Variants in ZNF865 observed in about 807,000 individuals in gnomAD.
The protein encoded by ZNF865 is zinc finger protein 865.
For synonymous variants in ZNF865, 763 were observed against 750.8 expected, an observed-to-expected ratio of 1.02 and a Z score of -0.27; for missense variants, 1,311 against 1,593.4, an observed-to-expected ratio of 0.82 and a Z score of 3.02.
chr19:55,614,998 G>A lies in ZNF865; in HGVS notation c.1380G>A (p.Lys460=). Residue 460 remains lysine, a synonymous_variant, in exon 2 of 2, where the codon AAG becomes AAA. Coordinates refer to ENST00000568956, the MANE Select transcript of ZNF865 (RefSeq NM_001195605.2). This position sits in a 1 kb window ranked among gnomAD's most constrained non-coding sequence, Gnocchi z 8.0. The stretch of plus-strand genomic sequence containing the variant: ...CTCCGCAGAGCCTGCTCCGCCACAA[G>A]GCCGCCCACGCCCCGCCCGCTGCCG... The part of the protein sequence containing the change: ...YSAPQSLLRH[K]AAHAPPAAAA... 1 of 1,404,184 alleles carries A rather than the reference G, an allele frequency of 7.1e-7. No individual in the cohort carries two copies. Among genetic ancestry groups the A allele is most frequent in the Non-Finnish European group, 9.2e-7 (1 of 1,086,020 alleles). 87.0% of individuals were successfully genotyped at this position (1,404,184 alleles called of 1,614,324 possible). A position where few individuals can be genotyped will look rare whatever the true frequency, so the allele number is the denominator to read the frequency against.
intron 1 of ZNF865, among the ~76,000 whole-genome samples, chr19:55,608,774 G>A (rs1981031943): frequency 1.3e-5 from 2 of 152,184 alleles, no homozygotes; most frequent in Admixed American, 1.3e-4. Context: ...TAAGTACAAT[G>A]CTTGTTAGAG....
Position 55,613,909 on chromosome 19 carries a change from C to G in ZNF865, c.291C>G (p.Ser97=), listed in dbSNP as rs1478374782. ...CGGAGGTGCCCTCCTCGTCCTCGTC[C>G]TCGTCCTCCTCCTCCTCCTCTTCGT... ...PKAEVPSSSS[S]SSSSSSSSSS... is the part of the protein sequence containing the mutation. Residue 97 remains serine, a synonymous_variant, in exon 2 of 2, where the codon TCC becomes TCG. Coordinates refer to ENST00000568956, the MANE Select transcript of ZNF865 (RefSeq NM_001195605.2). 6.6e-7 allele frequency: 1 copy of G among 1,523,142 alleles called. No homozygotes were observed. The allele number at this position is 1,523,142 out of a possible 1,614,324, so 94.4% of individuals were successfully genotyped here. A position where few individuals can be genotyped will look rare whatever the true frequency, so the allele number is the denominator to read the frequency against.
chr19:55,615,671 A>G lies in ZNF865; in HGVS notation c.2053A>G (p.Met685Val). 1 of 1,534,662 alleles carries G rather than the reference A, an allele frequency of 6.5e-7. No homozygotes were observed. The highest frequency in any genetic ancestry group is 8.7e-7 in the Non-Finnish European group (1 of 1,146,286). The change falls in exon 2 of 2, where the codon ATG becomes GTG. Residue 685 changes from methionine to valine, a missense_variant. Physicochemically the swap from Met to Val is conservative, Grantham distance 21. Coordinates refer to ENST00000568956, the MANE Select transcript of ZNF865 (RefSeq NM_001195605.2). ...GEHFPDLFHV[M>V]SHKEVHMAEK... ...GCACTTCCCGGATCTCTTTCACGTC[A>G]TGAGTCACAAGGAGGTCCACATGGC...
In ZNF865 at chr19:55,611,486, A is replaced by T. The variant is rs310466; in HGVS notation, c.-26-2107A>T. Among the ~76,000 whole-genome samples, 89,895 of 152,124 alleles carry T rather than the reference A, an allele frequency of 0.59. 28,619 individuals are homozygous for T. Among genetic ancestry groups the T allele is most frequent in the East Asian group, 0.91 (4,705 of 5,166 alleles). On this transcript the variant is annotated intron_variant, in intron 1 of 1. Coordinates refer to ENST00000568956, the MANE Select transcript of ZNF865 (RefSeq NM_001195605.2). This position sits in a 1 kb window ranked among gnomAD's most constrained non-coding sequence, Gnocchi z 4.5. Reference sequence around the variant, plus strand: ...AGCCTTCCAATTACCACCCCAGCCAAGCCTGTCCTCTTTCCGGAGATCAGA... The same window carrying T: ...AGCCTTCCAATTACCACCCCAGCCATGCCTGTCCTCTTTCCGGAGATCAGA...
At position 55,616,804 on chromosome 19, in the gene ZNF865, G is replaced by A; in HGVS notation, c.*6G>A. On this transcript the variant is annotated 3_prime_UTR_variant, in exon 2 of 2. Transcript: ENST00000568956. ...TGGCCGGGAAGGATGCCTGACCGAG[G>A]GGTTCCCATCCCACTCCCATCAAAA... 1 of 1,440,370 alleles carries A rather than the reference G, an allele frequency of 6.9e-7. No individual in the cohort carries two copies. The allele number at this position is 1,440,370 out of a possible 1,614,324, so 89.2% of individuals were successfully genotyped here.
intron 1 of ZNF865, among the ~76,000 whole-genome samples, chr19:55,613,359 T>A (rs947878894): frequency 6.6e-6 from 1 of 151,426 alleles, no homozygotes; most frequent in African/African-American, 2.4e-5. Context: ...GGGGAGTGGG[T>A]GGGAGTTGAG....
chr19:55,606,495 C>T (rs950558885), intron 1 of ZNF865, among the ~76,000 whole-genome samples: 3 of 152,196 alleles, frequency 2.0e-5, no homozygotes, highest in African/African-American at 7.2e-5. Context: ...CCACCCTCAT[C>T]GCGGTCAGCC....
chr19:55,616,867 A>C lies in ZNF865; in HGVS notation c.*69A>C. On this transcript the variant is annotated 3_prime_UTR_variant, in exon 2 of 2. Transcript: ENST00000568956. The stretch of plus-strand genomic sequence containing the variant: ...ACTCCCACCTCCCAGGACTGATCAG[A>C]CTCTTCCCCCCTCCTCGCTGTTGCC... The C allele has an allele frequency of 6.6e-6, 9 of 1,365,760 alleles. No homozygotes were observed. Among genetic ancestry groups the C allele is most frequent in the South Asian group, 1.7e-5 (1 of 60,124 alleles). 84.6% of individuals were successfully genotyped at this position (1,365,760 alleles called of 1,614,324 possible).
intron 1 of ZNF865, among the ~76,000 whole-genome samples, chr19:55,606,413 C>T (rs961360945): frequency 1.3e-5 from 2 of 152,226 alleles, no homozygotes; most frequent in African/African-American, 2.4e-5. Context: ...CACATCCTCT[C>T]CCGCCTCAGG....
rs1240073530 is a variant in ZNF865, at chr19:55,615,972, C to T, written c.2354C>T (p.Ala785Val). 2.7e-6 allele frequency: 4 copies of T among 1,509,062 alleles called. No individual in the cohort carries two copies. The highest frequency in any genetic ancestry group is 2.6e-6 in the Non-Finnish European group (3 of 1,134,532). The allele number at this position is 1,509,062 out of a possible 1,614,324, so 93.5% of individuals were successfully genotyped here. ...GCGGTGGCAGGTGCTGGCGGGGGTG[C>T]CAGTTCCGGCCCCGAGCGCTTCAGC... ...GAAVAGAGGG[A>V]SSGPERFSCA... The change falls in exon 2 of 2, where the codon GCC (alanine) becomes GTC (valine). Residue 785 changes from alanine (A) to valine (V), a missense_variant. Physicochemically the swap from Ala to Val is moderately conservative, Grantham distance 64 (BLOSUM62 0). Coordinates refer to ENST00000568956, the MANE Select transcript of ZNF865 (RefSeq NM_001195605.2).
rs973469311 is a variant in ZNF865, at chr19:55,616,322, C to A, written c.2704C>A (p.Arg902=). Reference sequence around the variant, plus strand: ...GCACCGCGTGGTGCACACTGGCGAGCGGGCCTTCAAGTGCGGCGTGTGCGC... The same window carrying A: ...GCACCGCGTGGTGCACACTGGCGAGAGGGCCTTCAAGTGCGGCGTGTGCGC... ...RQHRVVHTGE[R]AFKCGVCAKR... is the part of the protein sequence containing the mutation. Residue 902 remains arginine, a synonymous_variant, in exon 2 of 2, where the codon CGG becomes AGG. Coordinates refer to ENST00000568956, the MANE Select transcript of ZNF865 (RefSeq NM_001195605.2). 2 of 1,521,834 alleles carry A rather than the reference C, an allele frequency of 1.3e-6. No individual in the cohort carries two copies. The allele number at this position is 1,521,834 out of a possible 1,614,324, so 94.3% of individuals were successfully genotyped here. A position where few individuals can be genotyped will look rare whatever the true frequency, so the allele number is the denominator to read the frequency against.
chr19:55,616,030 C>G lies in ZNF865; in HGVS notation c.2412C>G (p.Phe804Leu). 6.6e-7 allele frequency: 1 copy of G among 1,526,344 alleles called. No homozygotes were observed. 94.6% of individuals were successfully genotyped at this position (1,526,344 alleles called of 1,614,324 possible). ...CGTGCGGCCAGAGTTTCAAGCACTT[C>G]CTGGGCCTCGTGACTCACAAGTACG... The part of the protein sequence containing the change: ...CATCGQSFKH[F>L]LGLVTHKYVH... The change falls in exon 2 of 2, where the codon TTC becomes TTG. Residue 804 changes from phenylalanine to leucine, a missense_variant. By Grantham distance (22) the Phe-to-Leu change is conservative. Transcript: ENST00000568956.
chr19:55,613,806 G>A lies in ZNF865; in HGVS notation c.188G>A (p.Gly63Asp). The A allele has an allele frequency of 6.9e-7, 1 of 1,456,328 alleles. No individual in the cohort carries two copies. The highest frequency in any genetic ancestry group is 9.1e-7 in the Non-Finnish European group (1 of 1,099,774). 90.2% of individuals were successfully genotyped at this position (1,456,328 alleles called of 1,614,324 possible). The change falls in exon 2 of 2, where the codon GGC becomes GAC. Residue 63 changes from glycine to aspartate, a missense_variant. Physicochemically the swap from Gly to Asp is moderately conservative, Grantham distance 94 (BLOSUM62 -1). Coordinates refer to ENST00000568956, the MANE Select transcript of ZNF865 (RefSeq NM_001195605.2). Reference sequence around the variant, plus strand: ...GTGGCGGCCCTGCCCTGCGCCCCCGGCCCCCCGCCGCAGCCCCCGCCGCAG... The same window carrying A: ...GTGGCGGCCCTGCCCTGCGCCCCCGACCCCCCGCCGCAGCCCCCGCCGCAG... The part of the protein sequence containing the change: ...KAVAALPCAP[G>D]PPPQPPPQPP...
Position 55,615,536 on chromosome 19 carries a change from GCCGGC to G in ZNF865, c.1920_1924del (p.Gly641ProfsTer129). 6.6e-7 allele frequency: 1 copy of G among 1,507,200 alleles called. No individual in the cohort carries two copies. Among genetic ancestry groups the G allele is most frequent in the Non-Finnish European group, 8.8e-7 (1 of 1,134,024 alleles). 93.4% of individuals were successfully genotyped at this position (1,507,200 alleles called of 1,614,324 possible). The stretch of plus-strand genomic sequence containing the variant: ...GCTGCCCTGCGCCCTGGCCGGGGCA[GCCGGC>G]CTCCCCTCCACCCAAGGCACACCGG... On this transcript the variant is annotated frameshift_variant, in exon 2 of 2. Coordinates refer to ENST00000568956, the MANE Select transcript of ZNF865 (RefSeq NM_001195605.2). LOFTEE classifies it low-confidence loss of function (END_TRUNC).
At position 55,616,950 on chromosome 19, in the gene ZNF865, C is replaced by G; in HGVS notation, c.*152C>G. ...CTTCAGGGCGCACGCCCGACAGGCT[C>G]AAGACTGAATCACTCCCATCCTCGA... On this transcript the variant is annotated 3_prime_UTR_variant, in exon 2 of 2. Coordinates refer to ENST00000568956, the MANE Select transcript of ZNF865 (RefSeq NM_001195605.2). 1.3e-6 allele frequency: 1 copy of G among 762,142 alleles called. No homozygotes were observed. The highest frequency in any genetic ancestry group is 1.9e-6 in the Non-Finnish European group (1 of 517,062). 47.2% of individuals were successfully genotyped at this position (762,142 alleles called of 1,614,324 possible).
At chr19:55,613,156 T>A (rs1019095857) in intron 1 of ZNF865, 1 of 159,004 alleles carries the variant, frequency 6.3e-6, no homozygotes, top group African/African-American at 2.4e-5. Context: ...CCCAGCACTT[T>A]GGGAGGTGGA....
Position 55,613,853 on chromosome 19 carries a change from T to G in ZNF865, c.235T>G (p.Tyr79Asp). The G allele has an allele frequency of 1.9e-6, 2 of 1,065,442 alleles. No individual in the cohort carries two copies. The highest frequency in any genetic ancestry group is 2.4e-6 in the Non-Finnish European group (2 of 838,450). The allele number at this position is 1,065,442 out of a possible 1,614,324, so 66.0% of individuals were successfully genotyped here. A position where few individuals can be genotyped will look rare whatever the true frequency, so the allele number is the denominator to read the frequency against. The change falls in exon 2 of 2, where the codon TAC becomes GAC. Residue 79 changes from tyrosine (Y) to aspartate (D), a missense_variant. Transcript: ENST00000568956. Reference protein sequence around the residue: ...PPQPPPPQYDYPPQSTFKPKA... With the variant: ...PPQPPPPQYDDPPQSTFKPKA... ...GCAGCCCCCTCCCCCGCAGTATGACTACCCGCCCCAGTCCACCTTCAAGCC... is the reference window on the plus strand; with the variant it reads ...GCAGCCCCCTCCCCCGCAGTATGACGACCCGCCCCAGTCCACCTTCAAGCC...
rs1251007044 is a variant in ZNF865 at position 55,614,698 on chromosome 19, G to A, written c.1080G>A (p.Lys360=). The A allele has an allele frequency of 6.3e-7, 1 of 1,578,304 alleles. No individual in the cohort carries two copies. The highest frequency in any genetic ancestry group is 8.5e-7 in the Non-Finnish European group (1 of 1,170,370). The part of the protein sequence containing the change: ...FACPLCWKVF[K]KPSHLHQHQI... Reference sequence around the variant, plus strand: ...GCCCACTCTGCTGGAAGGTTTTCAAGAAGCCCAGTCACCTCCACCAGCACC... The same window carrying A: ...GCCCACTCTGCTGGAAGGTTTTCAAAAAGCCCAGTCACCTCCACCAGCACC... Residue 360 remains lysine (K), a synonymous_variant, in exon 2 of 2, where the codon AAG becomes AAA. Coordinates refer to ENST00000568956, the MANE Select transcript of ZNF865 (RefSeq NM_001195605.2). The surrounding 1 kb of genome is among the most constrained non-coding windows in gnomAD (Gnocchi z 8.0).
Position 55,616,816 on chromosome 19 carries a change from C to A in ZNF865, c.*18C>A. 1 of 1,435,716 alleles carries A rather than the reference C, an allele frequency of 7.0e-7. No homozygotes were observed. The highest frequency in any genetic ancestry group is 1.5e-5 in the South Asian group (1 of 67,948). 88.9% of individuals were successfully genotyped at this position (1,435,716 alleles called of 1,614,324 possible). ...ATGCCTGACCGAGGGGTTCCCATCC[C>A]ACTCCCATCAAAAGCCCCCTTCTGG... On this transcript the variant is annotated 3_prime_UTR_variant, in exon 2 of 2. Transcript: ENST00000568956.
Sources: allele counts gnomAD v4.1 joint callset (sites outside exome capture counted in the v4.1 genomes callset), GRCh38; gene constraint gnomAD v4.1.1; non-coding constraint Gnocchi (gnomAD v3.1); transcripts MANE v1.5; gene names NCBI Gene and HGNC (gene_info 2026-07-23, HGNC 2026-07-21).